The following BDKRB2 variants were observed in gnomAD, a reference collection of about 807,000 sequenced individuals.
BDKRB2 encodes bradykinin receptor B2.
In BDKRB2, 6 loss-of-function variants were observed where a neutral mutation model predicts 4.0. The ratio of observed to expected loss-of-function variants is 1.49; its 90% confidence interval spans 0.81 to 2.93. The LOEUF (loss-of-function observed/expected upper bound fraction) is 2.93. Among genes scored for constraint, BDKRB2 ranks in the 30% most tolerant of loss-of-function variants. The pLI is 0.00. For synonymous variants in BDKRB2, 225 were observed against 215.3 expected (o/e 1.05, Z -0.40); for missense variants, 478 against 520.1 (o/e 0.92, Z 0.79).
In BDKRB2 at chr14:96,223,418, A is replaced by G. The variant is rs1241098458; in HGVS notation, c.-39-13651A>G. Reference sequence around the variant, plus strand: ...TACTTCCTAACATCTTTCTGATAACATTATTATGTTGCCTTCTTGTTTCTC... The same window carrying G: ...TACTTCCTAACATCTTTCTGATAACGTTATTATGTTGCCTTCTTGTTTCTC... On this transcript the variant is annotated intron_variant, in intron 1 of 2. Coordinates refer to ENST00000554311, the MANE Select transcript of BDKRB2 (RefSeq NM_001379692.1). The G allele has an allele frequency of 5.6e-6, 4 of 720,280 alleles. No individual in the cohort carries two copies. The Admixed American group carries it at 6.1e-5, about 11-fold the overall frequency. 44.6% of individuals were successfully genotyped at this position (720,280 alleles called of 1,614,324 possible).
At chr14:96,206,102 G>A (rs544500867) in intron 1 of BDKRB2, among the ~76,000 whole-genome samples, 28 of 152,332 alleles carry the variant, frequency 1.8e-4, no homozygotes, top group African/African-American at 6.3e-4. Flanking sequence ...CCTGCCCGAG[G>A]TTCTCTGGAG....
intron 1 of BDKRB2, among the ~76,000 whole-genome samples, chr14:96,207,982 G>C (rs1890229159): frequency 6.6e-6 from 1 of 152,102 alleles, no homozygotes; most frequent in African/African-American, 2.4e-5. Context: ...TCCAAGAATG[G>C]GGAGCTCACT....
chr14:96,222,950 T>G (rs1483391552), intron 1 of BDKRB2, among the ~76,000 whole-genome samples: 1 of 152,066 alleles, frequency 6.6e-6, no homozygotes, highest in African/African-American at 2.4e-5. Context: ...TATAGTTCTA[T>G]TGGACATCAC....
chr14:96,206,218 G>C (rs564068130), intron 1 of BDKRB2, among the ~76,000 whole-genome samples: 1 of 152,190 alleles, frequency 6.6e-6, no homozygotes, highest in Non-Finnish European at 1.5e-5. Flanking sequence ...CCTGCTTGGG[G>C]TGAGAGCAGG....
In BDKRB2 at chr14:96,241,694, G is replaced by A; in HGVS notation, c.*190G>A. On this transcript the variant is annotated 3_prime_UTR_variant, in exon 3 of 3. Transcript: ENST00000554311. ...CAGGGAGCATGGCTGTGAGGATGGG[G>A]TGAACTCACGCACAGCCAAGGACTC... 1.1e-6 allele frequency: 1 copy of A among 923,858 alleles called. No individual in the cohort carries two copies. The highest frequency in any genetic ancestry group is 1.5e-6 in the Non-Finnish European group (1 of 667,452). The allele number at this position is 923,858 out of a possible 1,614,324, so 57.2% of individuals were successfully genotyped here. A position where few individuals can be genotyped will look rare whatever the true frequency, so the allele number is the denominator to read the frequency against.
At chr14:96,237,224 G>A in intron 2 of BDKRB2, 43 bp downstream of exon 2, 1 of 1,545,000 alleles carries the variant, frequency 6.5e-7, no homozygotes, top group Non-Finnish European at 8.9e-7. Context: ...AGGGGAGGTG[G>A]GCAGACACCC....
At chr14:96,232,446 C>T (rs1202756924) in intron 1 of BDKRB2, among the ~76,000 whole-genome samples, 2 of 152,258 alleles carry the variant, frequency 1.3e-5, no homozygotes, top group South Asian at 4.1e-4. Context: ...CATTGACATT[C>T]ACGTTCACAG....
At chr14:96,217,653 TG>T (rs1890457097) in intron 1 of BDKRB2, among the ~76,000 whole-genome samples, 1 of 152,034 alleles carries the variant, frequency 6.6e-6, no homozygotes. Flanking sequence ...AGAGGTGAAG[TG>T]GGGGGCTGGG....
chr14:96,227,686 C>CACACGTGTGCACACAA (rs1890730864), intron 1 of BDKRB2, among the ~76,000 whole-genome samples: 1 of 99,242 alleles, frequency 1.0e-5, no homozygotes, highest in African/African-American at 4.4e-5. Flanking sequence ...TGCACACAAA[C>CACACGTGTGCACACAA]ACACACATGC....
At chr14:96,207,999 C>T (rs1013400392) in intron 1 of BDKRB2, among the ~76,000 whole-genome samples, 7 of 152,160 alleles carry the variant, frequency 4.6e-5, no homozygotes, top group Admixed American at 1.3e-4. Context: ...CACTACTTTG[C>T]GAGGCAGCGC....
At chr14:96,239,778 CAGT>C in intron 2 of BDKRB2, 1 of 983,908 alleles carries the variant, frequency 1.0e-6, no homozygotes, top group Non-Finnish European at 1.2e-6. Context: ...GATGTGAACC[CAGT>C]AGGACTATCT....
chr14:96,234,241 A>T lies in BDKRB2; in HGVS notation c.-39-2828A>T, dbSNP rs775694672. On this transcript the variant is annotated intron_variant, in intron 1 of 2. Coordinates refer to ENST00000554311, the MANE Select transcript of BDKRB2 (RefSeq NM_001379692.1). The stretch of plus-strand genomic sequence containing the variant: ...TGGGGTTCTGCGAAGAGCAGGCAGC[A>T]CCCTGGGTGCCTCAGGGCTGGTACG... 9.8e-4 allele frequency: 149 copies of T among 152,276 alleles called. 1 individual carries two copies. Among genetic ancestry groups the T allele is most frequent in the Non-Finnish European group, 1.7e-3 (118 of 68,102 alleles). 9.4% of individuals were successfully genotyped at this position (152,276 alleles called of 1,614,324 possible).
Position 96,241,385 on chromosome 14 carries a change from A to G in BDKRB2, c.1057A>G (p.Lys353Glu). ...GGAGGTGTACCAGGGAGTGTGCCAGAAAGGGGGCTGCAGGTCAGAACCCAT... is the reference window on the plus strand; with the variant it reads ...GGAGGTGTACCAGGGAGTGTGCCAGGAAGGGGGCTGCAGGTCAGAACCCAT... ...SWEVYQGVCQ[K>E]GGCRSEPIQM... The change falls in exon 3 of 3, where the codon AAA (lysine) becomes GAA (glutamate). Residue 353 changes from lysine (K) to glutamate (E), a missense_variant. Coordinates refer to ENST00000554311, the MANE Select transcript of BDKRB2 (RefSeq NM_001379692.1). 6.2e-7 allele frequency: 1 copy of G among 1,613,338 alleles called. No homozygotes were observed. The highest frequency in any genetic ancestry group is 8.5e-7 in the Non-Finnish European group (1 of 1,179,984).
chr14:96,205,493 G>T (rs538084924), intron 1 of BDKRB2, among the ~76,000 whole-genome samples: 1 of 152,038 alleles, frequency 6.6e-6, no homozygotes, highest in South Asian at 2.1e-4. Flanking sequence ...GGCGGGGGTG[G>T]GGGGGTTTGT....
chr14:96,230,040 A>G (rs1890782788), intron 1 of BDKRB2, among the ~76,000 whole-genome samples: 1 of 151,936 alleles, frequency 6.6e-6, no homozygotes, highest in African/African-American at 2.4e-5. Flanking sequence ...AGGCTGAGGC[A>G]GGAGAATGGC....
intron 1 of BDKRB2, among the ~76,000 whole-genome samples, chr14:96,231,406 G>T (rs1456266105): frequency 3.3e-5 from 5 of 152,162 alleles, no homozygotes; most frequent in East Asian, 1.9e-4. Flanking sequence ...TTTCAGGGAA[G>T]AAAAGAAAAG....
intron 1 of BDKRB2, among the ~76,000 whole-genome samples, chr14:96,235,815 GCACACA>G (rs149331794): frequency 6.6e-6 from 1 of 150,642 alleles, no homozygotes; most frequent in African/African-American, 2.4e-5. Context: ...ACCCACACAT[GCACACA>G]CACACACACA....
At chr14:96,212,826 A>G (rs1890331893) in intron 1 of BDKRB2, among the ~76,000 whole-genome samples, 1 of 152,058 alleles carries the variant, frequency 6.6e-6, no homozygotes, top group Non-Finnish European at 1.5e-5. Context: ...TCTGAACAGC[A>G]GGCGCCTCAC....
chr14:96,237,147 C>T lies in BDKRB2; in HGVS notation c.40C>T (p.Arg14Cys), dbSNP rs1046248. The T allele has an allele frequency of 0.087, 140,254 of 1,613,312 alleles. 7,004 individuals carry two copies. Among genetic ancestry groups the T allele is most frequent in the Non-Finnish European group, 0.1 (117,972 of 1,179,246 alleles). ...GAAGATATCAATGTTTCTGTCTGTT[C>T]GTGAGGACTCCGTGCCCACCACGGC... is the stretch of plus-strand genomic sequence containing the variant. ...PWKISMFLSV[R>C]EDSVPTTASF... The change falls in exon 2 of 3, where the codon CGT (arginine) becomes TGT (cysteine). Residue 14 changes from arginine (R) to cysteine (C), a missense_variant. Coordinates refer to ENST00000554311, the MANE Select transcript of BDKRB2 (RefSeq NM_001379692.1).
Sources: gnomAD v4.1 joint callset for allele counts (sites outside exome capture counted in the v4.1 genomes callset) on GRCh38, gnomAD v4.1.1 for gene constraint, MANE v1.5 for transcripts, NCBI Gene and HGNC (gene_info 2026-07-23, HGNC 2026-07-21) for gene names.